Variants in BEND5 observed in about 807,000 individuals in gnomAD.
BEND5 encodes the protein BEN domain containing 5, also known as BEN domain-containing protein 5.
A neutral mutation model predicts 43.9 loss-of-function variants in BEND5; 22 were observed. That is an observed-to-expected ratio of 0.50 (90% CI 0.36 to 0.72). The LOEUF (loss-of-function observed/expected upper bound fraction) is 0.72, where lower values mean the gene tolerates loss of function less well. Ranked by LOEUF, BEND5 falls within the 30% of genes least tolerant of loss-of-function variation. The probability of loss-of-function intolerance (pLI) is 0.00; values close to 1 mark genes in which losing one functional copy is unlikely to be tolerated. For missense variants in BEND5, 428 were observed against 550.6 expected, an observed-to-expected ratio of 0.78 and a Z score of 2.23; for synonymous variants, 228 against 225.9, an observed-to-expected ratio of 1.01 and a Z score of -0.08.
At chr1:48,772,416 C>T (rs1378187563) in intron 1 of BEND5, among the ~76,000 whole-genome samples, 1 of 152,182 alleles carries the variant, frequency 6.6e-6, no homozygotes, top group Non-Finnish European at 1.5e-5. Context: ...TGTAGGTGAG[C>T]TCCTTGCAGG....
At chr1:48,775,153 AGTTTCTTTGGCCCTAG>A (rs896518243) in intron 1 of BEND5, among the ~76,000 whole-genome samples, 15 of 152,250 alleles carry the variant, frequency 9.9e-5, no homozygotes, top group African/African-American at 3.4e-4. Flanking sequence ...CCCCTCCCTC[AGTTTCTTTGGCCCTAG>A]GTGTCTGGCA....
At chr1:48,735,361 G>A (rs866363305) in intron 5 of BEND5, among the ~76,000 whole-genome samples, 5 of 151,918 alleles carry the variant, frequency 3.3e-5, no homozygotes, top group Non-Finnish European at 7.4e-5. Flanking sequence ...ACCCATTAGA[G>A]GGCCTGGCAA....
At chr1:48,753,729 C>G (rs145717923) in intron 3 of BEND5, among the ~76,000 whole-genome samples, 4 of 152,322 alleles carry the variant, frequency 2.6e-5, no homozygotes, top group Non-Finnish European at 5.9e-5. Flanking sequence ...ATAATCCCTA[C>G]CTGGCTTGCA....
chr1:48,776,753 G>T lies in BEND5; in HGVS notation c.79C>A (p.Arg27Ser), dbSNP rs569884489. The change falls in exon 1 of 6, where the codon CGC (arginine) becomes AGC (serine). Residue 27 changes from arginine (R) to serine (S), a missense_variant. By Grantham distance (110) the Arg-to-Ser change is moderately radical. Around this residue, in one of 4 missense-constraint regions of BEND5, gnomAD observed 107 missense variants for 98.8 expected, o/e 1.08. Transcript: ENST00000371833. ...PVSCVRDFSP[R>S]SRLDFDNQKV... is the part of the protein sequence containing the mutation. ...TGGTTGTCAAAATCCAGCCGCGAGC[G>T]GGGGCTGAAGTCGCGCACGCACGAC... The T allele has an allele frequency of 7.9e-6, 12 of 1,527,556 alleles. No individual in the cohort carries two copies. Among genetic ancestry groups the T allele is most frequent in the African/African-American group, 7.2e-5 (5 of 69,778 alleles). The allele number at this position is 1,527,556 out of a possible 1,614,324, so 94.6% of individuals were successfully genotyped here.
At chr1:48,772,682 CT>C (rs1644896007) in intron 1 of BEND5, among the ~76,000 whole-genome samples, 1 of 152,092 alleles carries the variant, frequency 6.6e-6, no homozygotes, top group South Asian at 2.1e-4. Context: ...TCAACTAAGA[CT>C]GTGTTTTAGA....
chr1:48,736,190 A>G lies in BEND5; in HGVS notation c.1108+49T>C. The G allele has an allele frequency of 2.6e-6, 4 of 1,553,094 alleles. No homozygotes were observed. The highest frequency in any genetic ancestry group is 3.6e-6 in the Non-Finnish European group (4 of 1,125,048). Reference sequence around the variant, plus strand: ...GAATTGTGCCTAACACATTCTTGACAGAGTAAAAGACAGAATCCCAGCCAT... The same window carrying G: ...GAATTGTGCCTAACACATTCTTGACGGAGTAAAAGACAGAATCCCAGCCAT... On this transcript the variant is annotated intron_variant, in intron 5 of 5. Transcript: ENST00000371833. The surrounding 1 kb of genome is among the most constrained non-coding windows in gnomAD (Gnocchi z 4.0).
At chr1:48,757,256 G>A (rs1643983259) in intron 3 of BEND5, among the ~76,000 whole-genome samples, 1 of 152,126 alleles carries the variant, frequency 6.6e-6, no homozygotes, top group Non-Finnish European at 1.5e-5. Flanking sequence ...TTAAGATTGG[G>A]AAACATTTTT....
intron 1 of BEND5, among the ~76,000 whole-genome samples, chr1:48,768,918 G>C (rs1338009796): frequency 6.6e-6 from 1 of 152,130 alleles, no homozygotes; most frequent in Non-Finnish European, 1.5e-5. Flanking sequence ...ATCCAAGGCA[G>C]ACAAAATTCT....
At chr1:48,764,111 C>A (rs1283617086) in intron 1 of BEND5, among the ~76,000 whole-genome samples, 1 of 152,094 alleles carries the variant, frequency 6.6e-6, no homozygotes, top group East Asian at 1.9e-4. Flanking sequence ...AAAAGAGAAC[C>A]CAAGATCTCA....
In BEND5 at chr1:48,772,359, AG is replaced by A. The variant is rs1476669233; in HGVS notation, c.226+4246del. 5.9e-5 allele frequency among the ~76,000 whole-genome samples: 9 copies of A among 152,296 alleles called. No homozygotes were observed. The South Asian group carries it at 1.9e-3, about 32-fold the overall frequency. Reference sequence around the variant, plus strand: ...TTGTCCACTCCTTTATCACAGGTGGAGGGGGGCTGGACCACAAACTTCTGTC... The same window carrying A: ...TTGTCCACTCCTTTATCACAGGTGGAGGGGGCTGGACCACAAACTTCTGTC... On this transcript the variant is annotated intron_variant, in intron 1 of 5. Coordinates refer to ENST00000371833, the MANE Select transcript of BEND5 (RefSeq NM_024603.4).
intron 5 of BEND5, among the ~76,000 whole-genome samples, chr1:48,732,868 C>A (rs1648370543): frequency 6.6e-6 from 1 of 152,026 alleles, no homozygotes; most frequent in Non-Finnish European, 1.5e-5. Context: ...GAGGAGAGGG[C>A]CCATCAAGGA....
intron 3 of BEND5, among the ~76,000 whole-genome samples, chr1:48,757,858 C>T (rs1414199023): frequency 6.6e-6 from 1 of 152,214 alleles, no homozygotes; most frequent in Admixed American, 6.5e-5. Flanking sequence ...GCAAAGCACA[C>T]TGACTCAGAG....
chr1:48,737,194 G>C (rs1330242936), intron 4 of BEND5, among the ~76,000 whole-genome samples: 1 of 152,172 alleles, frequency 6.6e-6, no homozygotes, highest in African/African-American at 2.4e-5. Context: ...TGAGGCAAGA[G>C]AATCGCTTGA....
intron 5 of BEND5, among the ~76,000 whole-genome samples, chr1:48,730,547 C>T (rs1352662515): frequency 6.6e-6 from 1 of 152,018 alleles, no homozygotes; most frequent in East Asian, 1.9e-4. Flanking sequence ...CCTTGGAGCC[C>T]CTAGCATTAG....
Position 48,731,705 on chromosome 1 carries a change from T to C in BEND5, c.1109-3662A>G, listed in dbSNP as rs1648165623. On this transcript the variant is annotated intron_variant, in intron 5 of 5. Transcript: ENST00000371833. ...TCCCCAAGGTGACAGGGAACAAGGC[T>C]TGTTCACGAAATACAGCAGTTCACC... Among the ~76,000 whole-genome samples the C allele has an allele frequency of 5.3e-5, 8 of 152,296 alleles. No homozygotes were observed. In the South Asian group the frequency reaches 1.7e-3, roughly 32 times the overall value.
chr1:48,732,896 G>C (rs1326050519), intron 5 of BEND5, among the ~76,000 whole-genome samples: 1 of 152,166 alleles, frequency 6.6e-6, no homozygotes, highest in African/African-American at 2.4e-5. Context: ...AAACCAGAGA[G>C]ATGGGAAGAA....
intron 3 of BEND5, among the ~76,000 whole-genome samples, chr1:48,751,390 G>A (rs1243021450): frequency 6.6e-6 from 1 of 152,170 alleles, no homozygotes; most frequent in African/African-American, 2.4e-5. Flanking sequence ...GAAGCACATG[G>A]CTAAGGGACT....
intron 1 of BEND5, among the ~76,000 whole-genome samples, chr1:48,762,054 T>G (rs954314575): frequency 6.6e-6 from 1 of 152,154 alleles, no homozygotes; most frequent in Non-Finnish European, 1.5e-5. Context: ...AATCTCAGCA[T>G]GACTGAGTTT....
Position 48,736,836 on chromosome 1 carries a change from C to T in BEND5, c.895-384G>A, listed in dbSNP as rs1649133147. Among the ~76,000 whole-genome samples the T allele has an allele frequency of 6.6e-6, 1 of 152,182 alleles. No homozygotes were observed. Among genetic ancestry groups the T allele is most frequent in the African/African-American group, 2.4e-5 (1 of 41,424 alleles). On this transcript the variant is annotated intron_variant, in intron 4 of 5. Transcript: ENST00000371833. The surrounding 1 kb of genome is among the most constrained non-coding windows in gnomAD (Gnocchi z 4.0). ...TATCACAAGGCTGCTCAGAGCCTTACCAAATCTCAGGACACCCATGCTTAA... is the reference window on the plus strand; with the variant it reads ...TATCACAAGGCTGCTCAGAGCCTTATCAAATCTCAGGACACCCATGCTTAA...
Sources: gnomAD v4.1 joint callset for allele counts (sites outside exome capture counted in the v4.1 genomes callset) on GRCh38, gnomAD v4.1.1 for gene constraint, gnomAD v4.1.1 regional missense constraint, Gnocchi (gnomAD v3.1) non-coding constraint, MANE v1.5 for transcripts, NCBI Gene and HGNC (gene_info 2026-07-23, HGNC 2026-07-21) for gene names.